Variants in ZNF564 observed in about 807,000 individuals in gnomAD.
The protein encoded by ZNF564 is zinc finger protein 564.
ZNF564 carries 5 observed loss-of-function variants against 10.5 expected under a neutral mutation model. That is an observed-to-expected ratio of 0.48 (90% CI 0.25 to 1.00). ZNF564 has a LOEUF of 1.00. Ranked by LOEUF, ZNF564 falls within the 50% of genes least tolerant of loss-of-function variation. The pLI is 0.16. For synonymous variants in ZNF564, 242 were observed against 218.1 expected (o/e 1.11, Z -0.97); for missense variants, 603 against 669.7 (o/e 0.90, Z 1.10).
chr19:12,527,023 T>G lies in ZNF564; in HGVS notation c.1085A>C (p.Glu362Ala), dbSNP rs1321766839. ...VRTHERTHTG[E>A]KPYECKECGK... ...GCATTCCTTACATTCATAGGGCTTC[T>G]CTCCAGTGTGAGTCCTTTCATGTGT... Residue 362 changes from glutamate (E) to alanine (A), a missense_variant, in exon 4 of 4, where the codon GAG becomes GCG. Physicochemically the swap from Glu to Ala is moderately radical, Grantham distance 107. Transcript: ENST00000339282. 1 of 1,614,098 alleles carries G rather than the reference T, an allele frequency of 6.2e-7. No individual in the cohort carries two copies. The highest frequency in any genetic ancestry group is 8.5e-7 in the Non-Finnish European group (1 of 1,180,006).
chr19:12,539,305 T>C (rs1188463232), intron 1 of ZNF564, among the ~76,000 whole-genome samples: 3 of 151,174 alleles, frequency 2.0e-5, no homozygotes, highest in African/African-American at 4.9e-5. Context: ...CCCAAATTTT[T>C]CTGTAAACTA....
chr19:12,550,021 G>A (rs986380227), intron 1 of ZNF564, among the ~76,000 whole-genome samples: 10 of 152,318 alleles, frequency 6.6e-5, no homozygotes, highest in South Asian at 6.2e-4. Context: ...GGCCGGGCGC[G>A]GTGGCTCACG....
chr19:12,528,443 G>C, intron 2 of ZNF564, 79 bp from the exon 3 acceptor site: 1 of 1,573,228 alleles, frequency 6.4e-7, no homozygotes, highest in South Asian at 1.1e-5. Flanking sequence ...TCATGATAAG[G>C]TGCAAACAAC....
At position 12,527,392 on chromosome 19, in the gene ZNF564, C is replaced by T; in HGVS notation, c.716G>A (p.Ser239Asn). Residue 239 changes from serine to asparagine, a missense_variant, in exon 4 of 4, where the codon AGT becomes AAT. Transcript: ENST00000339282. ...ECAKAFISLP[S>N]FQRHMIRHTG... The stretch of plus-strand genomic sequence containing the variant: ...GTGCCTAATCATGTGTCTTTGAAAA[C>T]TTGGAAGAGAAATGAAAGCTTTTGC... The T allele has an allele frequency of 6.2e-7, 1 of 1,613,972 alleles. No homozygotes were observed. The highest frequency in any genetic ancestry group is 2.2e-5 in the East Asian group (1 of 44,848).
chr19:12,547,467 T>C (rs1255364134), intron 1 of ZNF564, among the ~76,000 whole-genome samples: 1 of 152,158 alleles, frequency 6.6e-6, no homozygotes, highest in Non-Finnish European at 1.5e-5. Context: ...AACTCCGGAT[T>C]TCTTGTATTT....
chr19:12,527,978 G>A (rs564827061), intron 3 of ZNF564, 62 bp from the exon 4 acceptor site: 53 of 1,490,344 alleles, frequency 3.6e-5, no homozygotes, highest in East Asian at 1.6e-4. Context: ...ATAGGTATTC[G>A]ACTTACATTT....
intron 1 of ZNF564, among the ~76,000 whole-genome samples, chr19:12,549,116 G>GT (rs1346566245): frequency 6.6e-6 from 1 of 152,182 alleles, no homozygotes; most frequent in East Asian, 1.9e-4. Flanking sequence ...CAAATTGAAT[G>GT]TAAGACTAGA....
intron 2 of ZNF564, 89 bp downstream of exon 2, chr19:12,528,481 T>C: frequency 1.3e-6 from 2 of 1,589,496 alleles, no homozygotes; most frequent in South Asian, 2.3e-5. Flanking sequence ...AGTATTCCCT[T>C]TTCCACATTA....
Position 12,539,047 on chromosome 19 carries a change from G to A in ZNF564, c.4-10351C>T, listed in dbSNP as rs995909917. 2.0e-5 allele frequency among the ~76,000 whole-genome samples: 3 copies of A among 150,806 alleles called. No individual in the cohort carries two copies. In the South Asian group the frequency reaches 6.3e-4, roughly 32 times the overall value. On this transcript the variant is annotated intron_variant, in intron 1 of 3. Coordinates refer to ENST00000339282, the MANE Select transcript of ZNF564 (RefSeq NM_144976.4). ...GTTCAAGACCAGCCTGGCTAATGTGGCGCAATCCAGTCTCTACTAAAAAAA... is the reference window on the plus strand; with the variant it reads ...GTTCAAGACCAGCCTGGCTAATGTGACGCAATCCAGTCTCTACTAAAAAAA...
At chr19:12,532,208 G>A (rs1050185921) in intron 1 of ZNF564, among the ~76,000 whole-genome samples, 8 of 151,952 alleles carry the variant, frequency 5.3e-5, no homozygotes, top group South Asian at 2.1e-4. Flanking sequence ...GGGGAACAGC[G>A]AGACCTTCAT....
chr19:12,540,501 G>C (rs111868967), intron 1 of ZNF564, among the ~76,000 whole-genome samples: 1,522 of 152,026 alleles, frequency 0.01, 17 homozygotes, highest in African/African-American at 0.035. Flanking sequence ...GGACAGATCA[G>C]TTGAGGTCAG....
chr19:12,549,780 T>C (rs2022218045), intron 1 of ZNF564, among the ~76,000 whole-genome samples: 1 of 152,176 alleles, frequency 6.6e-6, no homozygotes, highest in African/African-American at 2.4e-5. Context: ...AGCTGTCCTC[T>C]GGGAGGAGTG....
chr19:12,536,011 CAAAA>C (rs5827154), intron 1 of ZNF564, among the ~76,000 whole-genome samples: 1 of 110,736 alleles, frequency 9.0e-6, no homozygotes. Flanking sequence ...GACTCCGTCT[CAAAA>C]AAAAAAAAAA....
chr19:12,547,529 T>C (rs2022176748), intron 1 of ZNF564, among the ~76,000 whole-genome samples: 1 of 152,184 alleles, frequency 6.6e-6, no homozygotes, highest in African/African-American at 2.4e-5. Flanking sequence ...TGGTTTACTG[T>C]TATTATCTGA....
intron 1 of ZNF564, among the ~76,000 whole-genome samples, chr19:12,534,608 G>C (rs1233639134): frequency 6.6e-6 from 1 of 152,160 alleles, no homozygotes; most frequent in Non-Finnish European, 1.5e-5. Flanking sequence ...GAGGTCAGGA[G>C]TTCAAGACCC....
chr19:12,548,060 A>G, intron 1 of ZNF564: 1 of 619,222 alleles, frequency 1.6e-6, no homozygotes, highest in East Asian at 1.4e-4. Flanking sequence ...CACCCACCTC[A>G]GCCTCCCAAA....
chr19:12,543,319 A>G (rs1599286246), intron 1 of ZNF564, among the ~76,000 whole-genome samples: 2 of 111,960 alleles, frequency 1.8e-5, no homozygotes, highest in Non-Finnish European at 1.8e-5. Flanking sequence ...AAAAAAAAAG[A>G]GAGAAGGGGA....
At chr19:12,534,317 T>G (rs550140049) in intron 1 of ZNF564, among the ~76,000 whole-genome samples, 2 of 152,336 alleles carry the variant, frequency 1.3e-5, no homozygotes, top group Admixed American at 1.3e-4. Flanking sequence ...TATAAACATA[T>G]GAAAACATGC....
chr19:12,541,599 T>C (rs558127563), intron 1 of ZNF564: 1 of 151,948 alleles, frequency 6.6e-6, no homozygotes, highest in South Asian at 2.1e-4. Flanking sequence ...AGAAATGGCA[T>C]AGATCCTTAG....
Sources: gnomAD v4.1 joint callset for allele counts (sites outside exome capture counted in the v4.1 genomes callset) on GRCh38, gnomAD v4.1.1 for gene constraint, MANE v1.5 for transcripts, NCBI Gene and HGNC (gene_info 2026-07-23, HGNC 2026-07-21) for gene names.